Variants in BMF observed in about 807,000 individuals in gnomAD.
BMF encodes the protein bcl-2-modifying factor.
BMF carries 10 observed loss-of-function variants against 22.0 expected under a neutral mutation model. The ratio of observed to expected loss-of-function variants is 0.45; its 90% CI spans 0.28 to 0.77. The LOEUF (loss-of-function observed/expected upper bound fraction) is 0.77, where lower values mean the gene tolerates loss of function less well. Among genes scored for constraint, BMF ranks in the 30% least tolerant of loss-of-function variants. The pLI is 0.13. For synonymous variants in BMF, 87 were observed against 88.1 expected, an observed-to-expected ratio of 0.99 and a Z score of 0.07; for missense variants, 206 against 226.8, an observed-to-expected ratio of 0.91 and a Z score of 0.59.
rs759115461 is a variant in BMF at position 40,105,787 on chromosome 15, G to A, written c.292+8C>T. ...TATGGGAGGAGTCTTGAGGCTGAGA[G>A]CACTCACCATAAAAGAGTCGCTGGG... is the stretch of plus-strand genomic sequence containing the variant. On this transcript the variant is annotated splice_region_variant and intron_variant, in intron 3 of 4. Coordinates refer to ENST00000354670, the MANE Select transcript of BMF (RefSeq NM_001003940.2). 6.3e-7 allele frequency: 1 copy of A among 1,591,070 alleles called. No homozygotes were observed. Among genetic ancestry groups the A allele is most frequent in the South Asian group, 1.1e-5 (1 of 88,188 alleles).
chr15:40,098,142 G>A lies in BMF; in HGVS notation c.453+6038C>T, dbSNP rs559818297. 3.3e-5 allele frequency among the ~76,000 whole-genome samples: 5 copies of A among 152,322 alleles called. No individual in the cohort carries two copies. In the South Asian group the frequency reaches 6.2e-4, roughly 19 times the overall value. On this transcript the variant is annotated intron_variant, in intron 4 of 4. Transcript: ENST00000354670. The stretch of plus-strand genomic sequence containing the variant: ...AGGACATTGAAGCCACCATGGCCAC[G>A]CCCATTGCTTCTCTAAGGAAAAAAG...
Position 40,104,335 on chromosome 15 carries a change from C to T in BMF, c.298G>A (p.Ala100Thr), listed in dbSNP as rs367707665. The change falls in exon 4 of 5, where the codon GCT becomes ACT. Residue 100 changes from alanine to threonine, a missense_variant. Coordinates refer to ENST00000354670, the MANE Select transcript of BMF (RefSeq NM_001003940.2). ...EEPQRLFYGN[A>T]GYRLPLPASF... ...GCAGGGAGAGGAAGCCGATAGCCAGCATTGCCTGCAAAGATAGAGGATCCA... is the reference window on the plus strand; with the variant it reads ...GCAGGGAGAGGAAGCCGATAGCCAGTATTGCCTGCAAAGATAGAGGATCCA... The T allele has an allele frequency of 3.1e-6, 5 of 1,613,974 alleles. No homozygotes were observed. Among genetic ancestry groups the T allele is most frequent in the Non-Finnish European group, 4.2e-6 (5 of 1,179,990 alleles).
In BMF at chr15:40,104,265, C is replaced by T; in HGVS notation, c.368G>A (p.Gly123Glu). ...TACCTCTGCTTGATGTTGCCACTGC[C>T]CTTCGGGGGGCTGCTCCCCAATGGG... ...VLPIGEQPPEGQWQHQAEVQI... is the reference protein window; with the variant it reads ...VLPIGEQPPEEQWQHQAEVQI... The change falls in exon 4 of 5, where the codon GGG (glycine) becomes GAG (glutamate). Residue 123 changes from glycine to glutamate, a missense_variant. Gly to Glu is a moderately conservative substitution (Grantham distance 98). Transcript: ENST00000354670. 1 of 1,614,228 alleles carries T rather than the reference C, an allele frequency of 6.2e-7. No homozygotes were observed. Among genetic ancestry groups the T allele is most frequent in the Non-Finnish European group, 8.5e-7 (1 of 1,180,040 alleles).
At chr15:40,092,413 A>G (rs1019555723) in intron 4 of BMF, among the ~76,000 whole-genome samples, 1 of 152,122 alleles carries the variant, frequency 6.6e-6, no homozygotes, top group East Asian at 1.9e-4. Flanking sequence ...AGGCAGCAAA[A>G]ATCTGATTTC....
chr15:40,100,677 A>C (rs2036457419), intron 4 of BMF, among the ~76,000 whole-genome samples: 1 of 152,118 alleles, frequency 6.6e-6, no homozygotes, highest in Admixed American at 6.5e-5. Flanking sequence ...CTAGTCCTCC[A>C]CCTAGCAAGG....
intron 4 of BMF, 70 bp downstream of exon 4, chr15:40,104,107 AGAG>A: frequency 6.3e-7 from 1 of 1,575,910 alleles, no homozygotes; most frequent in Non-Finnish European, 8.7e-7. Context: ...GTTGCTGACA[AGAG>A]GAGAGAGGCA....
At chr15:40,100,296 G>A (rs1385800408) in intron 4 of BMF, among the ~76,000 whole-genome samples, 1 of 152,228 alleles carries the variant, frequency 6.6e-6, no homozygotes, top group Non-Finnish European at 1.5e-5. Context: ...GGCCAGGGCA[G>A]CCCAGGGGCT....
In BMF at chr15:40,106,112, C is replaced by A; in HGVS notation, c.-5-21G>T. 6.4e-7 allele frequency: 1 copy of A among 1,562,124 alleles called. No individual in the cohort carries two copies. ...CTCTCCTGTGAGGGGGCAACGCAGG[C>A]ATCTGGGCTGCTGCCCCACCAGGGC... On this transcript the variant is annotated intron_variant, in intron 2 of 4. Transcript: ENST00000354670. This position sits in a 1 kb window ranked among gnomAD's most constrained non-coding sequence, Gnocchi z 4.1.
Position 40,106,195 on chromosome 15 carries a change from G to A in BMF, c.-5-104C>T. On this transcript the variant is annotated intron_variant, in intron 2 of 4. Coordinates refer to ENST00000354670, the MANE Select transcript of BMF (RefSeq NM_001003940.2). The surrounding 1 kb of genome is among the most constrained non-coding windows in gnomAD (Gnocchi z 4.1). ...TACCATACTCCCCCTTCTTATTTGA[G>A]CTGGCCGGACCACATACTGATGACA... The A allele has an allele frequency of 7.5e-7, 1 of 1,327,448 alleles. No homozygotes were observed. Among genetic ancestry groups the A allele is most frequent in the Non-Finnish European group, 1.0e-6 (1 of 992,922 alleles). The allele number at this position is 1,327,448 out of a possible 1,614,324, so 82.2% of individuals were successfully genotyped here.
chr15:40,101,879 G>A (rs924536191), intron 4 of BMF, among the ~76,000 whole-genome samples: 10 of 152,182 alleles, frequency 6.6e-5, no homozygotes, highest in Admixed American at 2.6e-4. Context: ...AGCTCTTTGA[G>A]CTAGAAAAGG....
In BMF at chr15:40,092,453, T is replaced by TCCACA. The variant is rs1555427549; in HGVS notation, c.454-566_454-565insTGTGG. ...AGTGCAAACACGCACACACACAGAC[T>TCCACA]CACACACACACACACACACACACCC... On this transcript the variant is annotated intron_variant, in intron 4 of 4. Coordinates refer to ENST00000354670, the MANE Select transcript of BMF (RefSeq NM_001003940.2). 4.7e-5 allele frequency among the ~76,000 whole-genome samples: 7 copies of TCCACA among 148,608 alleles called. No homozygotes were observed. The East Asian group carries it at 9.9e-4, about 21-fold the overall frequency.
chr15:40,093,581 C>T (rs2036293316), intron 4 of BMF, among the ~76,000 whole-genome samples: 1 of 152,220 alleles, frequency 6.6e-6, no homozygotes, highest in Non-Finnish European at 1.5e-5. Flanking sequence ...GACCCCCTCT[C>T]CTCCCCTCCC....
At chr15:40,095,692 G>A (rs943412135) in intron 4 of BMF, among the ~76,000 whole-genome samples, 9 of 152,126 alleles carry the variant, frequency 5.9e-5, no homozygotes, top group East Asian at 5.8e-4. Context: ...TAGAGCCCTC[G>A]GACTCACATG....
intron 4 of BMF, among the ~76,000 whole-genome samples, chr15:40,096,153 C>CTTT (rs532459310): frequency 5.1e-4 from 59 of 115,070 alleles, no homozygotes; most frequent in African/African-American, 9.4e-4. Flanking sequence ...AAAAGGCCTC[C>CTTT]TTTTTTTTTT....
chr15:40,104,877 TGCCAA>T (rs2141051604), intron 3 of BMF, among the ~76,000 whole-genome samples: 1 of 152,232 alleles, frequency 6.6e-6, no homozygotes, highest in African/African-American at 2.4e-5. Context: ...CGCACAGAGC[TGCCAA>T]GTTGCTCTCC....
intron 4 of BMF, among the ~76,000 whole-genome samples, chr15:40,103,127 G>A (rs142121426): frequency 6.6e-6 from 1 of 152,286 alleles, no homozygotes; most frequent in African/African-American, 2.4e-5. Context: ...GCTCTCCTCC[G>A]ACCACCTGAA....
chr15:40,095,637 G>C (rs527690103), intron 4 of BMF, among the ~76,000 whole-genome samples: 19 of 152,252 alleles, frequency 1.2e-4, no homozygotes, highest in African/African-American at 4.6e-4. Context: ...CAGTCAGGGT[G>C]ACCCAAGGGT....
At chr15:40,092,535 A>G (rs1032163107) in intron 4 of BMF, among the ~76,000 whole-genome samples, 8 of 152,282 alleles carry the variant, frequency 5.3e-5, no homozygotes, top group African/African-American at 1.9e-4. Flanking sequence ...TGCCCTTTTT[A>G]TAGATGCTCT....
At position 40,089,190 on chromosome 15, in the gene BMF, T is replaced by C. The variant is rs1248544427; in HGVS notation, c.*2597A>G. The C allele has an allele frequency of 7.6e-6, 1 of 130,786 alleles. No individual in the cohort carries two copies. Among genetic ancestry groups the C allele is most frequent in the African/African-American group, 2.8e-5 (1 of 36,120 alleles). 8.1% of individuals were successfully genotyped at this position (130,786 alleles called of 1,614,324 possible). ...CAGCCAGGCTCCTGGGGGTGGGGGATGGAGTCTGAGGGGGTGGAGGTCGGG... is the reference window on the plus strand; with the variant it reads ...CAGCCAGGCTCCTGGGGGTGGGGGACGGAGTCTGAGGGGGTGGAGGTCGGG... On this transcript the variant is annotated 3_prime_UTR_variant, in exon 5 of 5. Coordinates refer to ENST00000354670, the MANE Select transcript of BMF (RefSeq NM_001003940.2).
Sources: gnomAD v4.1 joint callset for allele counts (sites outside exome capture counted in the v4.1 genomes callset) on GRCh38, gnomAD v4.1.1 for gene constraint, Gnocchi (gnomAD v3.1) non-coding constraint, MANE v1.5 for transcripts, NCBI Gene and HGNC (gene_info 2026-07-23, HGNC 2026-07-21) for gene names.